The following ADAMTS9 variants were observed in gnomAD, a reference collection of about 807,000 sequenced individuals.
The protein encoded by ADAMTS9 is A disintegrin and metalloproteinase with thrombospondin motifs 9.
A neutral mutation model predicts 257.1 loss-of-function variants in ADAMTS9; 107 were observed. The observed-to-expected ratio is 0.42, with a 90% CI of 0.36 to 0.49. The LOEUF (loss-of-function observed/expected upper bound fraction) is 0.49, where lower values mean the gene tolerates loss of function less well. Among genes scored for constraint, ADAMTS9 ranks in the 20% least tolerant of loss-of-function variants. The probability of loss-of-function intolerance (pLI) is 0.03; values close to 1 mark genes in which losing one functional copy is unlikely to be tolerated. For missense variants in ADAMTS9, 2,353 were observed against 2,469.1 expected, an observed-to-expected ratio of 0.95 and a Z score of 1.00; for synonymous variants, 982 against 880.9, an observed-to-expected ratio of 1.11 and a Z score of -2.03.
intron 28 of ADAMTS9, among the ~76,000 whole-genome samples, chr3:64,569,678 T>C (rs1207100989): frequency 6.6e-6 from 1 of 152,230 alleles, no homozygotes; most frequent in Non-Finnish European, 1.5e-5. Flanking sequence ...GTTTTTCTAG[T>C]AAACACAAAC....
chr3:64,592,176 T>C (rs1481155260), intron 28 of ADAMTS9, among the ~76,000 whole-genome samples: 3 of 152,200 alleles, frequency 2.0e-5, no homozygotes, highest in Admixed American at 2.0e-4. Flanking sequence ...TTTTTTAAGA[T>C]CACAATTAAA....
At chr3:64,565,783 T>C (rs146593691) in intron 29 of ADAMTS9, 2 of 152,210 alleles carry the variant, frequency 1.3e-5, no homozygotes, top group East Asian at 3.8e-4. Flanking sequence ...ATTAAAAATA[T>C]CTAAACAAAT....
intron 28 of ADAMTS9, among the ~76,000 whole-genome samples, chr3:64,571,825 G>T (rs2083692586): frequency 6.6e-6 from 1 of 152,082 alleles, no homozygotes; most frequent in Admixed American, 6.5e-5. Flanking sequence ...CTGATAGAGG[G>T]GCTATCATTT....
intron 3 of ADAMTS9, among the ~76,000 whole-genome samples, chr3:64,673,031 T>C (rs1701530502): frequency 6.6e-6 from 1 of 152,128 alleles, no homozygotes; most frequent in African/African-American, 2.4e-5. Flanking sequence ...AACAATAGGC[T>C]ATGTACCACG....
At chr3:64,566,861 C>CAA (rs201080933) in intron 29 of ADAMTS9, among the ~76,000 whole-genome samples, 21 of 142,292 alleles carry the variant, frequency 1.5e-4, no homozygotes, top group East Asian at 8.1e-4. Flanking sequence ...CGAATAGCTC[C>CAA]AAAAAAAAAA....
intron 30 of ADAMTS9, among the ~76,000 whole-genome samples, chr3:64,561,043 A>G (rs889402895): frequency 4.7e-5 from 7 of 148,542 alleles, no homozygotes; most frequent in Non-Finnish European, 1.0e-4. Flanking sequence ...CCATCAACGG[A>G]GCAGTTTCTT....
intron 16 of ADAMTS9, among the ~76,000 whole-genome samples, chr3:64,625,769 T>G (rs1273125186): frequency 1.3e-5 from 2 of 152,190 alleles, no homozygotes; most frequent in African/African-American, 4.8e-5. Flanking sequence ...TCCAACTTCT[T>G]GGCTCAAAAT....
chr3:64,553,762 A>C (rs1391318873), intron 30 of ADAMTS9, among the ~76,000 whole-genome samples: 2 of 152,122 alleles, frequency 1.3e-5, no homozygotes, highest in African/African-American at 4.8e-5. Context: ...GAGCATAAAC[A>C]TAACTTGAAA....
At chr3:64,609,775 G>C (rs886433820) in intron 22 of ADAMTS9, among the ~76,000 whole-genome samples, 6 of 152,194 alleles carry the variant, frequency 3.9e-5, no homozygotes, top group African/African-American at 1.4e-4. Flanking sequence ...AAATGAAAAA[G>C]CGGATTCTCA....
rs1463126601 is a variant in ADAMTS9, at chr3:64,596,846, T to A, written c.4163A>T (p.Tyr1388Phe). The change falls in exon 27 of 40, where the codon TAT (tyrosine) becomes TTT (phenylalanine). Residue 1388 changes from tyrosine (Y) to phenylalanine (F), a missense_variant. By Grantham distance (22) the Tyr-to-Phe change is conservative. Around this residue, in one of 3 missense-constraint regions of ADAMTS9, gnomAD observed 1,402 missense variants for 1,441.4 expected, o/e 0.97. Transcript: ENST00000498707. ...CESGPCPQWA[Y>F]GNWGECTKLC... ...CACTCTCACCTCTCCCCAGTTGCCATAAGCCCACTGAGGACAAGGGCCGGA... is the reference window on the plus strand; with the variant it reads ...CACTCTCACCTCTCCCCAGTTGCCAAAAGCCCACTGAGGACAAGGGCCGGA... 1 of 1,613,978 alleles carries A rather than the reference T, an allele frequency of 6.2e-7. No individual in the cohort carries two copies. Among genetic ancestry groups the A allele is most frequent in the Non-Finnish European group, 8.5e-7 (1 of 1,179,906 alleles).
At chr3:64,609,279 T>G (rs2084622867) in intron 22 of ADAMTS9, among the ~76,000 whole-genome samples, 1 of 152,004 alleles carries the variant, frequency 6.6e-6, no homozygotes, top group East Asian at 1.9e-4. Context: ...CCAGAGAAAT[T>G]AGGAAAGAAA....
chr3:64,604,465 C>G, intron 23 of ADAMTS9, 134 bp from the exon 24 acceptor site: 1 of 593,082 alleles, frequency 1.7e-6, no homozygotes, highest in Non-Finnish European at 2.8e-6. Context: ...CTGGGCAAGT[C>G]ACATGACATC....
In ADAMTS9 at chr3:64,686,255, C is replaced by A. The variant is rs891987608; in HGVS notation, c.516+313G>T. Among the ~76,000 whole-genome samples the A allele has an allele frequency of 3.9e-5, 6 of 152,258 alleles. No homozygotes were observed. Among genetic ancestry groups the A allele is most frequent in the Non-Finnish European group, 8.8e-5 (6 of 68,050 alleles). On this transcript the variant is annotated intron_variant, in intron 2 of 39. Transcript: ENST00000498707. The surrounding 1 kb of genome is among the most constrained non-coding windows in gnomAD (Gnocchi z 4.6). ...CTGCAGGGAACCGCAACTCCAGTAA[C>A]TTTCTCCGAGTTTGGAAACTGACTT...
rs144202086 is a variant in ADAMTS9, at chr3:64,633,784, T to A, written c.1952A>T (p.Asp651Val). 2 of 1,613,454 alleles carry A rather than the reference T, an allele frequency of 1.2e-6. No homozygotes were observed. The highest frequency in any genetic ancestry group is 1.7e-6 in the Non-Finnish European group (2 of 1,179,944). ...PCLKQKRDFR[D>V]EQCAHFDGKH... ...CCCGTCAAAGTGAGCACACTGTTCA[T>A]CTCGGAAGTCTCGCTTCTGCTTGAG... is the stretch of plus-strand genomic sequence containing the variant. Residue 651 changes from aspartate (D) to valine (V), a missense_variant, in exon 13 of 40, where the codon GAT becomes GTT. Asp to Val is a radical substitution (Grantham distance 152). This residue lies in a region of ADAMTS9 where 360 missense variants were observed against 458.1 expected (regional missense o/e 0.79). Transcript: ENST00000498707.
At position 64,602,158 on chromosome 3, in the gene ADAMTS9, T is replaced by C. The variant is rs776684493; in HGVS notation, c.3803A>G (p.Tyr1268Cys). Residue 1268 changes from tyrosine to cysteine, a missense_variant, in exon 26 of 40, where the codon TAC becomes TGC. Around this residue, in one of 3 missense-constraint regions of ADAMTS9, gnomAD observed 1,402 missense variants for 1,441.4 expected, o/e 0.97. Coordinates refer to ENST00000498707, the MANE Select transcript of ADAMTS9 (RefSeq NM_182920.2). ...RATRQVMCVNYSDHVIDRSEC... is the reference protein window; with the variant it reads ...RATRQVMCVNCSDHVIDRSEC... ...ACTCCGATCGATCACGTGGTCACTGTAGTTGACACACATCACTTGCCGGGT... is the reference window on the plus strand; with the variant it reads ...ACTCCGATCGATCACGTGGTCACTGCAGTTGACACACATCACTTGCCGGGT... The C allele has an allele frequency of 5.0e-6, 8 of 1,614,016 alleles. No homozygotes were observed. Among genetic ancestry groups the C allele is most frequent in the South Asian group, 3.3e-5 (3 of 91,090 alleles).
chr3:64,613,967 G>A (rs1482038557), intron 21 of ADAMTS9, among the ~76,000 whole-genome samples: 1 of 152,086 alleles, frequency 6.6e-6, no homozygotes, highest in East Asian at 1.9e-4. Flanking sequence ...TTGGCACAAT[G>A]TTCATTTAAT....
At chr3:64,524,582 G>A (rs2082887351) in intron 38 of ADAMTS9, among the ~76,000 whole-genome samples, 1 of 152,208 alleles carries the variant, frequency 6.6e-6, no homozygotes, top group Non-Finnish European at 1.5e-5. Flanking sequence ...CAGGTGATCT[G>A]TATTAGAAAA....
intron 26 of ADAMTS9, among the ~76,000 whole-genome samples, chr3:64,597,663 G>T (rs957593335): frequency 6.6e-6 from 1 of 152,114 alleles, no homozygotes; most frequent in African/African-American, 2.4e-5. Context: ...CTTCGGCCGT[G>T]CTTTCAGCCT....
chr3:64,592,366 T>C (rs975288400), intron 28 of ADAMTS9: 4 of 152,240 alleles, frequency 2.6e-5, no homozygotes, highest in African/African-American at 9.6e-5. Context: ...TTTCTTCCTC[T>C]GTTTCAGAGA....
Sources: allele counts gnomAD v4.1 joint callset (sites outside exome capture counted in the v4.1 genomes callset), GRCh38; gene constraint gnomAD v4.1.1; regional missense constraint gnomAD v4.1.1; non-coding constraint Gnocchi (gnomAD v3.1); transcripts MANE v1.5; gene names NCBI Gene and HGNC (gene_info 2026-07-23, HGNC 2026-07-21).